PTPRN2: variants seen among roughly 807,000 people sequenced by gnomAD.
PTPRN2 encodes receptor-type tyrosine-protein phosphatase N2.
PTPRN2 carries 74 observed loss-of-function variants against 118.8 expected under a neutral mutation model. The observed-to-expected ratio is 0.62, with a 90% CI of 0.52 to 0.76. The LOEUF is 0.76. PTPRN2 is among the 30% of genes least tolerant of loss of function. PTPRN2 has a pLI of 0.00. For missense variants in PTPRN2, 1,481 were observed against 1,394.4 expected (o/e 1.06, Z -0.99); for synonymous variants, 641 against 608.0 (o/e 1.05, Z -0.80).
intron 14 of PTPRN2, among the ~76,000 whole-genome samples, chr7:157,649,483 C>T (rs539744694): frequency 1.4e-5 from 2 of 143,716 alleles, no homozygotes; most frequent in African/African-American, 2.5e-5. Context: ...CTCGGTGGGT[C>T]GGACCCATCC....
At chr7:157,592,859 G>A (rs1167089737) in intron 17 of PTPRN2, among the ~76,000 whole-genome samples, 25 of 114,998 alleles carry the variant, frequency 2.2e-4, no homozygotes, top group Middle Eastern at 8.9e-3. Context: ...CCTGCTGAAT[G>A]GAGGGTGGAT....
chr7:157,582,044 C>T (rs1317193963), intron 17 of PTPRN2, among the ~76,000 whole-genome samples: 1 of 152,250 alleles, frequency 6.6e-6, no homozygotes, highest in Admixed American at 6.5e-5. Flanking sequence ...ACACCTGGAT[C>T]TCAGACTACC....
chr7:157,666,808 C>T (rs1023630959), intron 13 of PTPRN2, among the ~76,000 whole-genome samples: 1 of 152,224 alleles, frequency 6.6e-6, no homozygotes, highest in Admixed American at 6.5e-5. Context: ...CCGTGTGACA[C>T]TGATCTCAGG....
intron 12 of PTPRN2, among the ~76,000 whole-genome samples, chr7:157,797,679 C>T (rs564370315): frequency 3.1e-4 from 47 of 152,334 alleles, no homozygotes; most frequent in African/African-American, 7.2e-4. Context: ...GATCCTTCAA[C>T]GCGAAGCTTG....
rs762266598 is a variant in PTPRN2 at position 157,682,758 on chromosome 7, G to A, written c.1968C>T (p.Gly656=). Reference sequence around the variant, plus strand: ...CGGCAGTGGCATCTGCACCTGGGTCGCCCCCTAGTCCCGAGAGCTTCTCCT... The same window carrying A: ...CGGCAGTGGCATCTGCACCTGGGTCACCCCCTAGTCCCGAGAGCTTCTCCT... ...RLKEKLSGLG[G]DPGADATAAY... Residue 656 remains glycine, a synonymous_variant, in exon 13 of 23, where the codon GGC becomes GGT. Transcript: ENST00000389418. The A allele has an allele frequency of 5.0e-6, 8 of 1,613,846 alleles. No individual in the cohort carries two copies. The highest frequency in any genetic ancestry group is 4.0e-5 in the African/African-American group (3 of 75,042).
At chr7:158,553,690 G>C (rs1392879929) in intron 1 of PTPRN2, among the ~76,000 whole-genome samples, 1 of 151,060 alleles carries the variant, frequency 6.6e-6, no homozygotes, top group Non-Finnish European at 1.5e-5. Flanking sequence ...AGACAGGCCT[G>C]GGAGTCTACG....
At chr7:158,315,937 G>A (rs950849268) in intron 3 of PTPRN2, among the ~76,000 whole-genome samples, 1 of 152,176 alleles carries the variant, frequency 6.6e-6, no homozygotes, top group Non-Finnish European at 1.5e-5. Context: ...GTTGCCCCAT[G>A]GGCCCATGAA....
At chr7:157,719,509 C>T (rs143823090) in intron 12 of PTPRN2, among the ~76,000 whole-genome samples, 16 of 152,386 alleles carry the variant, frequency 1.0e-4, no homozygotes, top group East Asian at 1.9e-4. Flanking sequence ...TTGCACATCC[C>T]GGCCTCCTGG....
rs538049707 is a variant in PTPRN2, at chr7:157,785,853, G to A, written c.1789-102916C>T. Among the ~76,000 whole-genome samples the A allele has an allele frequency of 2.6e-4, 40 of 152,272 alleles. 2 individuals are homozygous for A. The highest frequency in any genetic ancestry group is 1.7e-3 in the Admixed American group (26 of 15,308). ...TGCGTTTTCCCTTCTGCACAACAGCGGAGGTTTTCCTGGAGTTCATAATCA... is the reference window on the plus strand; with the variant it reads ...TGCGTTTTCCCTTCTGCACAACAGCAGAGGTTTTCCTGGAGTTCATAATCA... On this transcript the variant is annotated intron_variant, in intron 12 of 22. Coordinates refer to ENST00000389418, the MANE Select transcript of PTPRN2 (RefSeq NM_002847.5). The surrounding 1 kb of genome is among the most constrained non-coding windows in gnomAD (Gnocchi z 7.3).
At chr7:158,292,143 G>T (rs1800164427) in intron 3 of PTPRN2, among the ~76,000 whole-genome samples, 1 of 152,170 alleles carries the variant, frequency 6.6e-6, no homozygotes, top group African/African-American at 2.4e-5. Context: ...AAATGCCAGG[G>T]TTTTCTGTGC....
chr7:157,614,008 TG>T (rs1802579698), intron 15 of PTPRN2: 1 of 471,192 alleles, frequency 2.1e-6, no homozygotes, highest in Non-Finnish European at 4.4e-6. Context: ...TTCTTGCTGG[TG>T]GAAGACCACA....
intron 11 of PTPRN2, among the ~76,000 whole-genome samples, chr7:157,959,693 T>A (rs1407931041): frequency 6.6e-6 from 1 of 152,120 alleles, no homozygotes; most frequent in African/African-American, 2.4e-5. Context: ...CAAGGGCTCA[T>A]GAGGGTGTAA....
intron 2 of PTPRN2, among the ~76,000 whole-genome samples, chr7:158,472,785 C>T (rs894813963): frequency 3.3e-5 from 5 of 152,212 alleles, no homozygotes; most frequent in Admixed American, 3.3e-4. Context: ...CCGTTGCATG[C>T]AAGGGCCCGA....
chr7:158,372,264 A>G (rs62480521), intron 2 of PTPRN2, among the ~76,000 whole-genome samples: 7,713 of 116,870 alleles, frequency 0.066, 1,079 homozygotes, highest in Middle Eastern at 0.077. Context: ...GCTGGTCCCC[A>G]GAGCTGATCC....
intron 3 of PTPRN2, among the ~76,000 whole-genome samples, chr7:158,265,193 C>T (rs1797790596): frequency 6.6e-6 from 1 of 152,154 alleles, no homozygotes; most frequent in African/African-American, 2.4e-5. Context: ...CGGTAGTGGC[C>T]TCCCACTGAC....
intron 2 of PTPRN2, among the ~76,000 whole-genome samples, chr7:158,465,410 C>T (rs1189959813): frequency 6.6e-6 from 1 of 152,186 alleles, no homozygotes; most frequent in Non-Finnish European, 1.5e-5. Context: ...ATTTATTTAC[C>T]ACTTTATCCC....
chr7:157,750,361 G>A (rs1801389968), intron 12 of PTPRN2, among the ~76,000 whole-genome samples: 1 of 152,152 alleles, frequency 6.6e-6, no homozygotes, highest in Non-Finnish European at 1.5e-5. Context: ...GAGGCTGGCC[G>A]GATGTAGGGA....
intron 4 of PTPRN2, among the ~76,000 whole-genome samples, chr7:158,204,389 C>T (rs969015136): frequency 1.3e-5 from 2 of 152,254 alleles, no homozygotes; most frequent in Non-Finnish European, 2.9e-5. Context: ...CACTTAACTG[C>T]TTTCCCTATC....
At position 157,946,661 on chromosome 7, in the gene PTPRN2, T is replaced by C. The variant is rs148028203; in HGVS notation, c.1724-47924A>G. 4.6e-3 allele frequency among the ~76,000 whole-genome samples: 703 copies of C among 152,334 alleles called. 8 individuals are homozygous for C. The highest frequency in any genetic ancestry group is 0.016 in the African/African-American group (675 of 41,576). On this transcript the variant is annotated intron_variant, in intron 11 of 22. Coordinates refer to ENST00000389418, the MANE Select transcript of PTPRN2 (RefSeq NM_002847.5). ...TCAGTTAGGCCAGCAGCCACAGGGA[T>C]GGTGTCACCACTGTGGGATTCAACA... is the stretch of plus-strand genomic sequence containing the variant.
Sources: gnomAD v4.1 joint callset for allele counts (sites outside exome capture counted in the v4.1 genomes callset) on GRCh38, gnomAD v4.1.1 for gene constraint, Gnocchi (gnomAD v3.1) non-coding constraint, MANE v1.5 for transcripts, NCBI Gene and HGNC (gene_info 2026-07-23, HGNC 2026-07-21) for gene names.